The following OSMR variants were observed in gnomAD, a reference collection of about 807,000 sequenced individuals.
The protein encoded by OSMR is oncostatin M receptor.
OSMR carries 81 observed loss-of-function variants against 99.9 expected under a neutral mutation model. The ratio of observed to expected loss-of-function variants is 0.81; its 90% CI spans 0.68 to 0.97. The LOEUF (loss-of-function observed/expected upper bound fraction) is 0.97, where lower values mean the gene tolerates loss of function less well. Among genes scored for constraint, OSMR ranks in the 50% least tolerant of loss-of-function variants. The pLI, the probability that OSMR is intolerant of heterozygous loss-of-function variation, is 0.00. For synonymous variants in OSMR, 406 were observed against 410.4 expected (o/e 0.99, Z 0.13); for missense variants, 1,099 against 1,153.4 (o/e 0.95, Z 0.68).
In OSMR at chr5:38,921,078, G is replaced by C. The variant is rs920582769; in HGVS notation, c.1586-537G>C. 3.9e-5 allele frequency among the ~76,000 whole-genome samples: 6 copies of C among 152,198 alleles called. No individual in the cohort carries two copies. The Middle Eastern group carries it at 0.01, about 259-fold the overall frequency. ...ACCGTGGGAGAATTAGCCTGCATTA[G>C]TTATTCATTCAACAGGTATTTTTTG... is the stretch of plus-strand genomic sequence containing the variant. On this transcript the variant is annotated intron_variant, in intron 11 of 17. Transcript: ENST00000274276.
chr5:38,900,395 C>T (rs1744817340), intron 7 of OSMR, among the ~76,000 whole-genome samples: 1 of 152,172 alleles, frequency 6.6e-6, no homozygotes, highest in African/African-American at 2.4e-5. Flanking sequence ...TGAGTGCCTA[C>T]TTGACTTTTC....
intron 2 of OSMR, among the ~76,000 whole-genome samples, chr5:38,873,559 A>G (rs1215743262): frequency 1.3e-5 from 2 of 152,176 alleles, no homozygotes; most frequent in Non-Finnish European, 2.9e-5. Flanking sequence ...AAGAACTGTC[A>G]AAACGTTTTC....
chr5:38,881,512 G>A (rs1218203708), intron 3 of OSMR, 81 bp from the exon 4 acceptor site: 25 of 1,612,486 alleles, frequency 1.6e-5, no homozygotes, highest in East Asian at 2.2e-5. Context: ...TCTTAGGTTT[G>A]TGCTTTGGGA....
chr5:38,915,561 A>G (rs377701182), intron 9 of OSMR, among the ~76,000 whole-genome samples: 4 of 152,332 alleles, frequency 2.6e-5, no homozygotes, highest in East Asian at 1.9e-4. Context: ...ACAACTCTAT[A>G]TCACATCTTG....
At chr5:38,898,738 A>C (rs1275424649) in intron 7 of OSMR, among the ~76,000 whole-genome samples, 1 of 151,762 alleles carries the variant, frequency 6.6e-6, no homozygotes, top group African/African-American at 2.4e-5. Context: ...GGTATGATTT[A>C]ATTTTCTGCT....
chr5:38,927,140 G>T (rs1406514574), intron 15 of OSMR, among the ~76,000 whole-genome samples: 1 of 152,246 alleles, frequency 6.6e-6, no homozygotes, highest in African/African-American at 2.4e-5. Context: ...GCTTTGCAGG[G>T]TACAGACTCC....
chr5:38,912,705 A>G (rs1323007584), intron 9 of OSMR, among the ~76,000 whole-genome samples: 2 of 152,236 alleles, frequency 1.3e-5, no homozygotes, highest in African/African-American at 4.8e-5. Context: ...CCAAAACATC[A>G]TGGTACCAGT....
intron 3 of OSMR, among the ~76,000 whole-genome samples, chr5:38,878,875 T>G (rs1040628390): frequency 2.0e-5 from 3 of 152,178 alleles, no homozygotes; most frequent in Non-Finnish European, 4.4e-5. Context: ...ATAAATAGTG[T>G]CTGGGGGAAA....
chr5:38,920,731 C>T (rs1746189640), intron 11 of OSMR, among the ~76,000 whole-genome samples: 1 of 152,164 alleles, frequency 6.6e-6, no homozygotes, highest in Non-Finnish European at 1.5e-5. Flanking sequence ...TACAGACAAA[C>T]AATAAACCAG....
intron 11 of OSMR, among the ~76,000 whole-genome samples, chr5:38,920,231 A>T (rs867023604): frequency 2.4e-4 from 37 of 152,138 alleles, no homozygotes; most frequent in Admixed American, 1.0e-3. Context: ...CCAGCTAGCT[A>T]TCCTTAAGTG....
intron 9 of OSMR, among the ~76,000 whole-genome samples, chr5:38,907,973 A>G (rs1251270987): frequency 6.6e-6 from 1 of 151,934 alleles, no homozygotes; most frequent in African/African-American, 2.4e-5. Flanking sequence ...GAGTGCATGG[A>G]CACCAGCAGC....
In OSMR at chr5:38,904,384, ACTT is replaced by A. The variant is rs781160059; in HGVS notation, c.1170_1172del (p.Phe390del). ...GTTTCCATCAAGGTGAACGGTGAGT[ACTT>A]CTTAAGTGAACTGGAACCTGCCACA... On this transcript the variant is annotated inframe_deletion, in exon 9 of 18. Coordinates refer to ENST00000274276, the MANE Select transcript of OSMR (RefSeq NM_003999.3). 3.7e-6 allele frequency: 6 copies of A among 1,613,920 alleles called. No homozygotes were observed. The highest frequency in any genetic ancestry group is 3.3e-5 in the Admixed American group (2 of 60,000).
At chr5:38,872,833 A>G (rs1299900043) in intron 2 of OSMR, among the ~76,000 whole-genome samples, 1 of 152,236 alleles carries the variant, frequency 6.6e-6, no homozygotes, top group East Asian at 1.9e-4. Flanking sequence ...CATTTTTAAA[A>G]AGCGCATGGG....
At chr5:38,895,020 A>T (rs1168146059) in intron 7 of OSMR, among the ~76,000 whole-genome samples, 18 of 152,130 alleles carry the variant, frequency 1.2e-4, no homozygotes, top group Admixed American at 1.2e-3. Context: ...AACAAAATGA[A>T]GGAAGAAATT....
At chr5:38,899,442 T>C (rs1744750395) in intron 7 of OSMR, among the ~76,000 whole-genome samples, 1 of 152,140 alleles carries the variant, frequency 6.6e-6, no homozygotes, top group Non-Finnish European at 1.5e-5. Flanking sequence ...AGTTAGTACC[T>C]AAGGTGCAAG....
At chr5:38,901,520 G>A (rs1158446179) in intron 7 of OSMR, among the ~76,000 whole-genome samples, 1 of 152,148 alleles carries the variant, frequency 6.6e-6, no homozygotes, top group African/African-American at 2.4e-5. Context: ...TGTCATGTAT[G>A]GTGCTCTGGC....
Position 38,924,404 on chromosome 5 carries a change from C to T in OSMR, c.1871-18C>T. 6.2e-7 allele frequency: 1 copy of T among 1,613,998 alleles called. No individual in the cohort carries two copies. Among genetic ancestry groups the T allele is most frequent in the Middle Eastern group, 1.6e-4 (1 of 6,062 alleles). On this transcript the variant is annotated intron_variant, in intron 13 of 17. Coordinates refer to ENST00000274276, the MANE Select transcript of OSMR (RefSeq NM_003999.3). ...TTCCAAATCATGACTTTTCTCTTAT[C>T]CCAACTTCTTTTCCTAGCTCCTTCA...
chr5:38,911,144 G>A (rs577531059), intron 9 of OSMR, among the ~76,000 whole-genome samples: 2 of 152,188 alleles, frequency 1.3e-5, no homozygotes, highest in South Asian at 4.1e-4. Flanking sequence ...AAAGATCAAC[G>A]AATCCAGGAG....
intron 3 of OSMR, among the ~76,000 whole-genome samples, chr5:38,877,805 CA>C (rs1221049141): frequency 6.6e-6 from 1 of 152,144 alleles, no homozygotes; most frequent in Non-Finnish European, 1.5e-5. Flanking sequence ...TATTATGTTA[CA>C]AAAAATAATA....
Sources: allele counts gnomAD v4.1 joint callset (sites outside exome capture counted in the v4.1 genomes callset), GRCh38; gene constraint gnomAD v4.1.1; transcripts MANE v1.5; gene names NCBI Gene and HGNC (gene_info 2026-07-23, HGNC 2026-07-21).